Variants in DCAF10 observed in about 807,000 individuals in gnomAD.
DCAF10 encodes the protein DDB1 and CUL4 associated factor 10.
DCAF10 carries 19 observed loss-of-function variants against 51.9 expected under a neutral mutation model. The ratio of observed to expected loss-of-function variants is 0.37; its 90% CI spans 0.26 to 0.54. The LOEUF is 0.54. Among genes scored for constraint, DCAF10 ranks in the 20% least tolerant of loss-of-function variants. The pLI is 0.87. For missense variants in DCAF10, 510 were observed against 730.6 expected (o/e 0.70, Z 3.48); for synonymous variants, 291 against 297.1 (o/e 0.98, Z 0.21).
intron 1 of DCAF10, among the ~76,000 whole-genome samples, chr9:37,803,703 TAC>T (rs1025002133): frequency 1.3e-5 from 2 of 148,862 alleles, no homozygotes; most frequent in African/African-American, 5.0e-5. Flanking sequence ...AAAGTAATTT[TAC>T]AGATAGATGA....
chr9:37,846,832 A>G (rs1377876787), intron 3 of DCAF10, among the ~76,000 whole-genome samples: 3 of 152,198 alleles, frequency 2.0e-5, no homozygotes, highest in Admixed American at 1.3e-4. Context: ...TCTACCAAAT[A>G]TTTACATAGT....
intron 3 of DCAF10, among the ~76,000 whole-genome samples, chr9:37,852,929 G>A (rs999552302): frequency 2.1e-4 from 16 of 77,312 alleles, no homozygotes; most frequent in African/African-American, 6.7e-4. Flanking sequence ...AGTATGTGAG[G>A]TTATATATAT....
At chr9:37,859,712 C>A (rs1830957783) in intron 5 of DCAF10, among the ~76,000 whole-genome samples, 1 of 152,144 alleles carries the variant, frequency 6.6e-6, no homozygotes, top group African/African-American at 2.4e-5. Context: ...TGTCACATAA[C>A]TTTGGTTCTT....
chr9:37,814,717 T>C (rs889532709), intron 1 of DCAF10, among the ~76,000 whole-genome samples: 3 of 152,240 alleles, frequency 2.0e-5, no homozygotes, highest in African/African-American at 7.2e-5. Context: ...TAGAAAGTAG[T>C]ATCATAACCA....
At chr9:37,859,968 G>C in intron 5 of DCAF10, 80 bp from the exon 6 acceptor site, 1 of 1,548,410 alleles carries the variant, frequency 6.5e-7, no homozygotes, top group Non-Finnish European at 8.9e-7. Flanking sequence ...GGAGGTGGCT[G>C]CCAGAAATAA....
At position 37,867,335 on chromosome 9, in the gene DCAF10, GCTTT is replaced by G. The variant is rs1421564387; in HGVS notation, c.*5831_*5834del. 6.6e-6 allele frequency: 1 copy of G among 151,988 alleles called. No individual in the cohort carries two copies. Among genetic ancestry groups the G allele is most frequent in the Admixed American group, 6.6e-5 (1 of 15,238 alleles). 9.4% of individuals were successfully genotyped at this position (151,988 alleles called of 1,614,324 possible). A position where few individuals can be genotyped will look rare whatever the true frequency, so the allele number is the denominator to read the frequency against. On this transcript the variant is annotated 3_prime_UTR_variant, in exon 7 of 7. Transcript: ENST00000377724. ...AGTCTTTAAAATAGGTAGATTTTCAGCTTTCTTAAGTTTCTCCCTCATTTAGATT... is the reference window on the plus strand; with the variant it reads ...AGTCTTTAAAATAGGTAGATTTTCAGCTTAAGTTTCTCCCTCATTTAGATT...
chr9:37,862,175 GA>G lies in DCAF10; in HGVS notation c.*674del, dbSNP rs1052570744. 1 of 152,348 alleles carries G rather than the reference GA, an allele frequency of 6.6e-6. No individual in the cohort carries two copies. Among genetic ancestry groups the G allele is most frequent in the South Asian group, 2.1e-4 (1 of 4,828 alleles). The allele number at this position is 152,348 out of a possible 1,614,324, so 9.4% of individuals were successfully genotyped here. A position where few individuals can be genotyped will look rare whatever the true frequency, so the allele number is the denominator to read the frequency against. On this transcript the variant is annotated 3_prime_UTR_variant, in exon 7 of 7. Transcript: ENST00000377724. ...AGAGGGATTTTATTGTGAAATTCTA[GA>G]AAAAAATATTACCACCTCTCTTTGT...
At chr9:37,836,228 A>G (rs1318133767) in intron 2 of DCAF10, 1 of 1,536,522 alleles carries the variant, frequency 6.5e-7, no homozygotes, top group Non-Finnish European at 9.0e-7. Flanking sequence ...GTTTAGAGTT[A>G]GAACATCTAA....
At chr9:37,849,829 G>A (rs541352330) in intron 3 of DCAF10, among the ~76,000 whole-genome samples, 33 of 152,054 alleles carry the variant, frequency 2.2e-4, no homozygotes, top group South Asian at 4.2e-4. Context: ...GCAGTGAGCC[G>A]AGATCGCACC....
intron 6 of DCAF10, among the ~76,000 whole-genome samples, chr9:37,860,662 GAC>G (rs1830988682): frequency 6.6e-6 from 1 of 152,136 alleles, no homozygotes; most frequent in African/African-American, 2.4e-5. Context: ...CTATACTGAT[GAC>G]TAGGGGGAAA....
chr9:37,844,718 G>T (rs963084060), intron 3 of DCAF10, among the ~76,000 whole-genome samples: 1 of 151,990 alleles, frequency 6.6e-6, no homozygotes, highest in African/African-American at 2.4e-5. Context: ...AGTGGCACAC[G>T]CCTGTAATCC....
chr9:37,828,110 G>T (rs1432472426), intron 2 of DCAF10, among the ~76,000 whole-genome samples: 1 of 152,008 alleles, frequency 6.6e-6, no homozygotes, highest in East Asian at 1.9e-4. Context: ...CTGGTCTGAC[G>T]CTGCTGACCT....
intron 2 of DCAF10, among the ~76,000 whole-genome samples, chr9:37,827,966 T>C (rs766669543): frequency 1.3e-5 from 2 of 152,054 alleles, no homozygotes; most frequent in Admixed American, 6.6e-5. Context: ...TGGAGTTCAG[T>C]GGCATGATCA....
upstream of DCAF10, chr9:37,800,677 G>C (rs1194377764): frequency 4.6e-6 from 7 of 1,535,974 alleles, no homozygotes; most frequent in South Asian, 1.2e-5. Context: ...CTCCGTTCCC[G>C]GGACTGCGGC....
In DCAF10 at chr9:37,860,077, G is replaced by T. The variant is rs1322423373; in HGVS notation, c.1195G>T (p.Val399Leu). Residue 399 changes from valine (V) to leucine (L), a missense_variant, in exon 6 of 7, where the codon GTA (valine) becomes TTA (leucine). Coordinates refer to ENST00000377724, the MANE Select transcript of DCAF10 (RefSeq NM_024345.5). ...GVSPRNSLEV[V>L]TPEVLGESDH... ...TTCACCACGAAATAGTCTTGAAGTC[G>T]TAACCCCTGAAGTTCTTGGTGAGAG... 1.2e-6 allele frequency: 2 copies of T among 1,614,022 alleles called. No homozygotes were observed. Among genetic ancestry groups the T allele is most frequent in the Admixed American group, 1.7e-5 (1 of 59,998 alleles).
chr9:37,846,685 GACCTCAGTGATCTGCCC>G (rs1013844947), intron 3 of DCAF10, among the ~76,000 whole-genome samples: 1 of 152,002 alleles, frequency 6.6e-6, no homozygotes, highest in Non-Finnish European at 1.5e-5. Context: ...TCAAACTCCT[GACCTCAGTGATCTGCCC>G]ACCTCGGCCT....
intron 2 of DCAF10, among the ~76,000 whole-genome samples, chr9:37,820,018 T>G (rs1829656343): frequency 6.6e-6 from 1 of 152,180 alleles, no homozygotes; most frequent in Admixed American, 6.6e-5. Flanking sequence ...AAGAAAAAGA[T>G]TAAAAGGAAA....
rs780003962 is a variant in DCAF10, at chr9:37,842,216, T to C, written c.781T>C (p.Tyr261His). 6.2e-7 allele frequency: 1 copy of C among 1,613,978 alleles called. No homozygotes were observed. Among genetic ancestry groups the C allele is most frequent in the Non-Finnish European group, 8.5e-7 (1 of 1,179,938 alleles). The change falls in exon 3 of 7, where the codon TAT (tyrosine) becomes CAT (histidine). Residue 261 changes from tyrosine (Y) to histidine (H), a missense_variant. Coordinates refer to ENST00000377724, the MANE Select transcript of DCAF10 (RefSeq NM_024345.5). ...GHTSWVKNIE[Y>H]DTNTRLLVTS... is the part of the protein sequence containing the mutation. ...CACTAGCTGGGTGAAGAACATCGAA[T>C]ATGATACTAATACAAGACTCTTAGT...
At chr9:37,828,884 A>G (rs1829930054) in intron 2 of DCAF10, among the ~76,000 whole-genome samples, 1 of 152,232 alleles carries the variant, frequency 6.6e-6, no homozygotes, top group Non-Finnish European at 1.5e-5. Flanking sequence ...ATGAAAGCAA[A>G]GCTTTAAAGT....
Sources: allele counts gnomAD v4.1 joint callset (sites outside exome capture counted in the v4.1 genomes callset), GRCh38; gene constraint gnomAD v4.1.1; transcripts MANE v1.5; gene names NCBI Gene and HGNC (gene_info 2026-07-23, HGNC 2026-07-21).